Variants in LARP4B observed in about 807,000 individuals in gnomAD.
The protein encoded by LARP4B is la-related protein 4B.
LARP4B carries 12 observed loss-of-function variants against 89.8 expected under a neutral mutation model. That is an observed-to-expected ratio of 0.13 (90% CI 0.09 to 0.22). LARP4B has a LOEUF of 0.22. LARP4B is among the 10% of genes least tolerant of loss of function. The pLI, the probability that LARP4B is intolerant of heterozygous loss-of-function variation, is 1.00. For missense variants in LARP4B, 757 were observed against 947.7 expected (o/e 0.80, Z 2.64); for synonymous variants, 367 against 363.3 (o/e 1.01, Z -0.12).
chr10:925,310 G>C (rs1305332043), intron 1 of LARP4B, among the ~76,000 whole-genome samples: 3 of 152,256 alleles, frequency 2.0e-5, no homozygotes, highest in African/African-American at 7.2e-5. Context: ...GCCACAGGAA[G>C]AAAATGAACC....
chr10:923,253 T>C (rs1054769144), intron 1 of LARP4B, among the ~76,000 whole-genome samples: 2 of 152,194 alleles, frequency 1.3e-5, no homozygotes, highest in African/African-American at 4.8e-5. Flanking sequence ...TCTAGATTTT[T>C]AGAAGGTAGC....
chr10:987,250 G>A, the LARP4B span: 1 of 152,172 alleles, frequency 6.6e-6, no homozygotes, highest in African/African-American at 2.4e-5. Flanking sequence ...ATGCTTATCC[G>A]CCTTGTGACA....
At chr10:833,977 A>G (rs1039430340) in intron 8 of LARP4B, among the ~76,000 whole-genome samples, 1 of 152,220 alleles carries the variant, frequency 6.6e-6, no homozygotes, top group Non-Finnish European at 1.5e-5. Context: ...TCCACTTTAA[A>G]TATGAAAACA....
rs574573244 is a variant in LARP4B at position 900,985 on chromosome 10, T to C, written c.-39-15225A>G. ...CCCAGGCTGGAGTGCAATGGCACAA[T>C]CTCGGCTAACTGCAACCTCTGCCTC... is the stretch of plus-strand genomic sequence containing the variant. On this transcript the variant is annotated intron_variant, in intron 1 of 17. Coordinates refer to ENST00000316157, the MANE Select transcript of LARP4B (RefSeq NM_015155.3). Among the ~76,000 whole-genome samples the C allele has an allele frequency of 4.9e-5, 7 of 143,554 alleles. No homozygotes were observed. The East Asian group carries it at 1.5e-3, about 30-fold the overall frequency. The allele number at this position is 143,554 out of a possible 152,430, so 94.2% of individuals were successfully genotyped here.
the LARP4B span, among the ~76,000 whole-genome samples, chr10:959,356 CCCG>C: frequency 3.4e-5 from 5 of 146,604 alleles, no homozygotes; most frequent in African/African-American, 1.1e-4. Flanking sequence ...ATCCCACCTC[CCCG>C]TCAATCCCAC....
At chr10:970,773 A>G in the LARP4B span, among the ~76,000 whole-genome samples, 1 of 152,154 alleles carries the variant, frequency 6.6e-6, no homozygotes, top group East Asian at 1.9e-4. Context: ...GCATAAAGAG[A>G]GAAGACATTT....
intron 8 of LARP4B, among the ~76,000 whole-genome samples, chr10:831,976 T>C (rs1482075773): frequency 4.6e-5 from 7 of 152,234 alleles, no homozygotes; most frequent in Admixed American, 6.5e-5. Flanking sequence ...ATATATTCCA[T>C]ATCCCATAAA....
chr10:900,137 G>A (rs1588974245), intron 1 of LARP4B, among the ~76,000 whole-genome samples: 1 of 152,184 alleles, frequency 6.6e-6, no homozygotes, highest in African/African-American at 2.4e-5. Context: ...TCTGAGGTCA[G>A]GAGTTTGAGA....
the LARP4B span, among the ~76,000 whole-genome samples, chr10:981,562 CTTT>C: frequency 6.6e-6 from 1 of 151,408 alleles, no homozygotes; most frequent in Non-Finnish European, 1.5e-5. Context: ...GTACTTTGTA[CTTT>C]TTTTTTGTTT....
intron 5 of LARP4B, among the ~76,000 whole-genome samples, chr10:857,795 A>G (rs898143217): frequency 6.6e-6 from 1 of 152,200 alleles, no homozygotes; most frequent in African/African-American, 2.4e-5. Flanking sequence ...TGCTTCTTCT[A>G]TGTCCTCTCC....
chr10:860,774 G>C (rs184405719), intron 5 of LARP4B, among the ~76,000 whole-genome samples: 161 of 152,098 alleles, frequency 1.1e-3, no homozygotes, highest in African/African-American at 3.6e-3. Flanking sequence ...TTGTGGGGCT[G>C]ATGCACATCT....
rs971064935 is a variant in LARP4B, at chr10:822,122, C to T, written c.1485-1277G>A. On this transcript the variant is annotated intron_variant, in intron 13 of 17. Transcript: ENST00000316157. This position sits in a 1 kb window ranked among gnomAD's most constrained non-coding sequence, Gnocchi z 4.6. ...AACCCAGGGAGCTGAACTCCTACTCCGCTGCGCCAGGATTCAGAAGTAGTG... is the reference window on the plus strand; with the variant it reads ...AACCCAGGGAGCTGAACTCCTACTCTGCTGCGCCAGGATTCAGAAGTAGTG... Among the ~76,000 whole-genome samples the T allele has an allele frequency of 4.6e-5, 7 of 152,222 alleles. No homozygotes were observed. Among genetic ancestry groups the T allele is most frequent in the Non-Finnish European group, 5.9e-5 (4 of 68,044 alleles).
chr10:957,429 G>T, the LARP4B span, among the ~76,000 whole-genome samples: 1 of 152,146 alleles, frequency 6.6e-6, no homozygotes, highest in Non-Finnish European at 1.5e-5. Context: ...GCCTCCCAAA[G>T]TGCTGGGATT....
At chr10:979,340 T>A in the LARP4B span, among the ~76,000 whole-genome samples, 1 of 152,216 alleles carries the variant, frequency 6.6e-6, no homozygotes, top group African/African-American at 2.4e-5. Flanking sequence ...TCTATGCCCC[T>A]GGAAGTTGAC....
At chr10:896,071 T>A (rs74762064) in intron 1 of LARP4B, among the ~76,000 whole-genome samples, 1,774 of 152,356 alleles carry the variant, frequency 0.012, 31 homozygotes, top group African/African-American at 0.04. Context: ...AGCATCTAAG[T>A]CACTTTGCAG....
intron 1 of LARP4B, among the ~76,000 whole-genome samples, chr10:893,069 C>T (rs201706216): frequency 8.1e-6 from 1 of 124,020 alleles, no homozygotes; most frequent in Admixed American, 7.4e-5. Flanking sequence ...CAACACCATA[C>T]CCTTTTTTTT....
intron 5 of LARP4B, among the ~76,000 whole-genome samples, chr10:859,582 C>T (rs1834486917): frequency 6.6e-6 from 1 of 152,142 alleles, no homozygotes; most frequent in Non-Finnish European, 1.5e-5. Flanking sequence ...CACATGAATG[C>T]TAACAGCATC....
intron 7 of LARP4B, among the ~76,000 whole-genome samples, chr10:837,656 G>A (rs1456387905): frequency 2.0e-5 from 3 of 152,156 alleles, no homozygotes; most frequent in Admixed American, 6.5e-5. Context: ...CCACGTGCAC[G>A]GGCAGTCAAT....
the LARP4B span, among the ~76,000 whole-genome samples, chr10:978,981 T>G: frequency 1.6e-4 from 24 of 152,124 alleles, no homozygotes; most frequent in South Asian, 1.9e-3. Context: ...TGTCTCTCAA[T>G]GTTACTGTTG....
Sources: allele counts gnomAD v4.1 joint callset (sites outside exome capture counted in the v4.1 genomes callset), GRCh38; gene constraint gnomAD v4.1.1; non-coding constraint Gnocchi (gnomAD v3.1); transcripts MANE v1.5; gene names NCBI Gene and HGNC (gene_info 2026-07-23, HGNC 2026-07-21).